EYS: variants seen among roughly 807,000 people sequenced by gnomAD.
EYS encodes the protein EGF-like photoreceptor maintenance factor, also known as protein eyes shut homolog.
Under a neutral mutation model 282.1 loss-of-function variants are expected in EYS, and 250 were observed. The observed-to-expected ratio is 0.89, with a 90% confidence interval of 0.80 to 0.98. The LOEUF (loss-of-function observed/expected upper bound fraction) is 0.98. Ranked by LOEUF, EYS falls within the 50% of genes least tolerant of loss-of-function variation. The probability of loss-of-function intolerance (pLI) is 0.00; values close to 1 mark genes in which losing one functional copy is unlikely to be tolerated. For synonymous variants in EYS, 1,355 were observed against 1,282.9 expected (o/e 1.06, Z -1.20); for missense variants, 4,016 against 3,709.0 (o/e 1.08, Z -2.15).
chr6:65,599,015 A>G (rs1765518980), intron 2 of EYS, among the ~76,000 whole-genome samples: 1 of 152,024 alleles, frequency 6.6e-6, no homozygotes, highest in Admixed American at 6.6e-5. Flanking sequence ...ATCCCTCAGT[A>G]TCCTCAGGGG....
chr6:65,209,252 GTTT>G (rs1013721999), intron 12 of EYS, among the ~76,000 whole-genome samples: 1 of 145,878 alleles, frequency 6.9e-6, no homozygotes, highest in African/African-American at 2.5e-5. Context: ...GTGTGGGGAA[GTTT>G]TTTTTTTTAA....
At chr6:64,808,600 A>G (rs559602279) in intron 22 of EYS, among the ~76,000 whole-genome samples, 1 of 151,960 alleles carries the variant, frequency 6.6e-6, no homozygotes, top group Non-Finnish European at 1.5e-5. Flanking sequence ...AGTGTAAAAA[A>G]TTATATCTAA....
intron 30 of EYS, among the ~76,000 whole-genome samples, chr6:64,241,708 A>G (rs1047228635): frequency 2.0e-5 from 3 of 148,468 alleles, no homozygotes; most frequent in Non-Finnish European, 4.5e-5. Flanking sequence ...TTCTGCTCTG[A>G]TCTTGGTTAT....
intron 30 of EYS, among the ~76,000 whole-genome samples, chr6:64,294,013 C>T (rs752374722): frequency 6.6e-6 from 1 of 152,104 alleles, no homozygotes; most frequent in Non-Finnish European, 1.5e-5. Flanking sequence ...GAGGTATACG[C>T]TACCTAATTA....
chr6:64,880,885 A>G (rs1424157326), intron 19 of EYS, among the ~76,000 whole-genome samples: 2 of 150,970 alleles, frequency 1.3e-5, no homozygotes, highest in South Asian at 2.1e-4. Flanking sequence ...TGTATATTAT[A>G]CTGGCCTTAT....
chr6:63,754,681 A>T (rs940891565), intron 41 of EYS, among the ~76,000 whole-genome samples: 1 of 152,194 alleles, frequency 6.6e-6, no homozygotes, highest in Non-Finnish European at 1.5e-5. Flanking sequence ...TAGTAGCATG[A>T]TTTATAATCC....
intron 31 of EYS, among the ~76,000 whole-genome samples, chr6:64,108,633 C>G (rs1162154936): frequency 6.7e-6 from 1 of 148,670 alleles, no homozygotes; most frequent in African/African-American, 2.5e-5. Context: ...CTTATTAATT[C>G]TAAAATTGAG....
At chr6:65,405,971 G>A (rs1766719733) in intron 5 of EYS, among the ~76,000 whole-genome samples, 1 of 152,008 alleles carries the variant, frequency 6.6e-6, no homozygotes, top group Non-Finnish European at 1.5e-5. Flanking sequence ...GAAAATTCAT[G>A]TTTAATATTT....
intron 37 of EYS, among the ~76,000 whole-genome samples, chr6:63,791,526 C>T (rs559486959): frequency 1.4e-5 from 2 of 147,772 alleles, no homozygotes; most frequent in East Asian, 2.0e-4. Flanking sequence ...TGCAGTGAGC[C>T]GAGATCGTAC....
At chr6:63,730,707 A>G (rs1321195171) in intron 41 of EYS, among the ~76,000 whole-genome samples, 1 of 152,200 alleles carries the variant, frequency 6.6e-6, no homozygotes, top group Admixed American at 6.5e-5. Flanking sequence ...CCATGTTGCC[A>G]TGTTTTGAGT....
Position 65,335,101 on chromosome 6 carries a change from CCTGA to C in EYS, c.1641_1644del (p.Ser547ArgfsTer62), listed in dbSNP as rs752504462. 7 of 1,611,910 alleles carry C rather than the reference CCTGA, an allele frequency of 4.3e-6. No homozygotes were observed. The highest frequency in any genetic ancestry group is 1.3e-5 in the African/African-American group (1 of 74,880). ...CTGAGAAAACATAGATACCGATATT[CCTGA>C]CTGTCTTCTTCACTCAAACAACTGC... On this transcript the variant is annotated frameshift_variant, in exon 11 of 43. Coordinates refer to ENST00000503581, the MANE Select transcript of EYS (RefSeq NM_001142800.2). LOFTEE classifies it high-confidence loss of function.
chr6:64,249,573 G>A (rs1175275745), intron 30 of EYS, among the ~76,000 whole-genome samples: 1 of 152,140 alleles, frequency 6.6e-6, no homozygotes, highest in Non-Finnish European at 1.5e-5. Flanking sequence ...TTAAGGAACA[G>A]ACTACTTCAA....
chr6:64,738,725 G>C (rs1772268848), intron 22 of EYS, among the ~76,000 whole-genome samples: 1 of 152,156 alleles, frequency 6.6e-6, no homozygotes, highest in African/African-American at 2.4e-5. Context: ...CAAGATGAGA[G>C]AAAGGCCATG....
At chr6:65,327,559 C>A (rs1440758825) in intron 11 of EYS, among the ~76,000 whole-genome samples, 2 of 151,526 alleles carry the variant, frequency 1.3e-5, no homozygotes, top group African/African-American at 4.8e-5. Context: ...ATCAATGAGA[C>A]CAATATTTTC....
intron 12 of EYS, among the ~76,000 whole-genome samples, chr6:65,177,753 C>A (rs963178162): frequency 4.0e-5 from 6 of 151,600 alleles, no homozygotes; most frequent in African/African-American, 1.2e-4. Flanking sequence ...AGATCACTGT[C>A]TTTTTTTGTT....
intron 26 of EYS, among the ~76,000 whole-genome samples, chr6:64,540,357 C>G (rs1444468004): frequency 6.6e-6 from 1 of 152,046 alleles, no homozygotes; most frequent in Non-Finnish European, 1.5e-5. Context: ...ACCATGGTAA[C>G]AGACGCCTGT....
intron 36 of EYS, among the ~76,000 whole-genome samples, chr6:63,863,156 G>C (rs1277595668): frequency 6.6e-6 from 1 of 152,198 alleles, no homozygotes; most frequent in African/African-American, 2.4e-5. Context: ...AGTGTCAAAG[G>C]AATAAATGTT....
intron 2 of EYS, among the ~76,000 whole-genome samples, chr6:65,621,821 G>T (rs1766507895): frequency 6.6e-6 from 1 of 151,874 alleles, no homozygotes; most frequent in African/African-American, 2.4e-5. Flanking sequence ...TCCTTGATGT[G>T]TCTCTTTTAC....
intron 31 of EYS, among the ~76,000 whole-genome samples, chr6:64,139,726 T>A (rs926024893): frequency 1.3e-5 from 2 of 151,990 alleles, no homozygotes; most frequent in African/African-American, 4.8e-5. Context: ...ATCCCAGCAC[T>A]TTGGGAGGCC....
Sources: allele counts gnomAD v4.1 joint callset (sites outside exome capture counted in the v4.1 genomes callset), GRCh38; gene constraint gnomAD v4.1.1; transcripts MANE v1.5; gene names NCBI Gene and HGNC (gene_info 2026-07-23, HGNC 2026-07-21).